ARID1B: variants seen among roughly 807,000 people sequenced by gnomAD.
ARID1B encodes AT-rich interaction domain 1B.
In ARID1B, 30 loss-of-function variants were observed where a neutral mutation model predicts 212.3. The observed-to-expected ratio is 0.14, with a 90% CI of 0.11 to 0.19. ARID1B has a LOEUF of 0.19. Ranked by LOEUF, ARID1B falls within the 10% of genes least tolerant of loss-of-function variation. The probability of loss-of-function intolerance (pLI) is 1.00; values close to 1 mark genes in which losing one functional copy is unlikely to be tolerated. For synonymous variants in ARID1B, 1,402 were observed against 1,301.7 expected (o/e 1.08, Z -1.66); for missense variants, 2,891 against 3,204.0 (o/e 0.90, Z 2.36).
At chr6:156,853,419 C>T (rs1257069552) in intron 2 of ARID1B, among the ~76,000 whole-genome samples, 2 of 152,092 alleles carry the variant, frequency 1.3e-5, no homozygotes, top group Non-Finnish European at 2.9e-5. Context: ...CAGTTTGAGG[C>T]CCAAGCTTCC....
intron 2 of ARID1B, among the ~76,000 whole-genome samples, chr6:156,893,051 T>TGTTTTTTTTTTTTTTTTTTTTTTTTTTTG (rs201418007): frequency 7.2e-6 from 1 of 138,396 alleles, no homozygotes; most frequent in Non-Finnish European, 1.5e-5. Flanking sequence ...CTTCCTTTTT[T>TGTTTTTTTTTTTTTTTTTTTTTTTTTTTG]TTTTTTTTTG....
intron 8 of ARID1B, among the ~76,000 whole-genome samples, chr6:157,160,459 A>G (rs960578958): frequency 6.6e-6 from 1 of 151,612 alleles, no homozygotes; most frequent in African/African-American, 2.4e-5. Context: ...ATATTGCTCA[A>G]CTCTCTCTTG....
At chr6:156,978,289 G>A (rs1368857589) in intron 4 of ARID1B, among the ~76,000 whole-genome samples, 4 of 152,192 alleles carry the variant, frequency 2.6e-5, no homozygotes, top group Non-Finnish European at 5.9e-5. Flanking sequence ...CAGTCAGAGG[G>A]TTCACCTGGT....
At chr6:156,824,484 G>A (rs1033751756) in intron 1 of ARID1B, among the ~76,000 whole-genome samples, 22 of 152,194 alleles carry the variant, frequency 1.4e-4, no homozygotes, top group Admixed American at 1.4e-3. Context: ...CATAAAATTG[G>A]CCAGGCGCAG....
intron 4 of ARID1B, among the ~76,000 whole-genome samples, chr6:156,994,862 C>T (rs1017112623): frequency 1.8e-4 from 27 of 152,232 alleles, no homozygotes; most frequent in Non-Finnish European, 3.2e-4. Context: ...ACCCTGAACA[C>T]GGTGTCACTA....
At chr6:157,196,389 C>A (rs2128358400) in intron 16 of ARID1B, 74 bp downstream of exon 16, 2 of 1,520,504 alleles carry the variant, frequency 1.3e-6, no homozygotes, top group Non-Finnish European at 1.8e-6. Flanking sequence ...ATTTCTGAGC[C>A]CTGGCAGCTG....
At chr6:156,880,073 G>C (rs1211884843) in intron 2 of ARID1B, among the ~76,000 whole-genome samples, 2 of 152,206 alleles carry the variant, frequency 1.3e-5, no homozygotes, top group African/African-American at 4.8e-5. Context: ...TTTGAGTTGT[G>C]AGGTGGAGGC....
intron 3 of ARID1B, among the ~76,000 whole-genome samples, chr6:156,925,919 C>G (rs1054357723): frequency 2.0e-5 from 3 of 152,198 alleles, no homozygotes; most frequent in South Asian, 2.1e-4. Context: ...ACATGTGATG[C>G]ACTCGTAGTC....
chr6:157,161,638 A>T (rs900168836), intron 8 of ARID1B, among the ~76,000 whole-genome samples: 1 of 152,120 alleles, frequency 6.6e-6, no homozygotes, highest in East Asian at 1.9e-4. Flanking sequence ...AACATTTTTT[A>T]TAGGGCATCC....
At chr6:157,170,528 G>A (rs1791646672) in intron 9 of ARID1B, among the ~76,000 whole-genome samples, 1 of 152,174 alleles carries the variant, frequency 6.6e-6, no homozygotes, top group African/African-American at 2.4e-5. Flanking sequence ...CTTGATAAAA[G>A]GGTTTTGATA....
chr6:156,807,195 G>A (rs1781231841), intron 1 of ARID1B, among the ~76,000 whole-genome samples: 1 of 147,332 alleles, frequency 6.8e-6, no homozygotes, highest in Non-Finnish European at 1.5e-5. Flanking sequence ...TTATTCTCTA[G>A]CATCTCAGCT....
chr6:156,798,556 G>T (rs897939900), intron 1 of ARID1B, among the ~76,000 whole-genome samples: 7 of 152,282 alleles, frequency 4.6e-5, no homozygotes, highest in African/African-American at 1.7e-4. Context: ...CTTGTTGAGG[G>T]TGGAGAATAT....
At position 157,206,835 on chromosome 6, in the gene ARID1B, C is replaced by A. The variant is rs376113162; in HGVS notation, c.6063C>A (p.Thr2021=). Reference sequence around the variant, plus strand: ...AAGACGCAAACCCTGGGCCCCAGACCGAAAGCAGTAAGTTTCCCTTTGGTA... The same window carrying A: ...AAGACGCAAACCCTGGGCCCCAGACAGAAAGCAGTAAGTTTCCCTTTGGTA... ...LPEDANPGPQ[T]ESSKFPFGIQ... is the part of the protein sequence containing the mutation. The change falls in exon 20 of 20, where the codon ACC becomes ACA. Residue 2021 remains threonine (T), a synonymous_variant. Transcript: ENST00000636930. The surrounding 1 kb of genome is among the most constrained non-coding windows in gnomAD (Gnocchi z 6.8). The A allele has an allele frequency of 9.9e-6, 16 of 1,614,074 alleles. No homozygotes were observed. The East Asian group carries it at 2.9e-4, about 29-fold the overall frequency.
intron 13 of ARID1B, chr6:157,185,680 G>T (rs1216369374): frequency 6.6e-6 from 1 of 152,148 alleles, no homozygotes; most frequent in Non-Finnish European, 1.5e-5. Flanking sequence ...TGTAATATGT[G>T]AAATGTTTAC....
chr6:157,010,875 G>GATTGTGATCACTAATAGAACTATC (rs1044701710), intron 4 of ARID1B, among the ~76,000 whole-genome samples: 5 of 152,108 alleles, frequency 3.3e-5, no homozygotes, highest in African/African-American at 1.2e-4. Flanking sequence ...GAAATCTATA[G>GATTGTGATCACTAATAGAACTATC]ATTGTGATCA....
intron 4 of ARID1B, among the ~76,000 whole-genome samples, chr6:157,047,514 C>T (rs552750464): frequency 1.2e-4 from 18 of 152,204 alleles, no homozygotes; most frequent in Non-Finnish European, 2.2e-4. Flanking sequence ...ACCAAGTCCA[C>T]TGTGCAGAAA....
chr6:156,871,506 G>A, intron 2 of ARID1B: 1 of 920,582 alleles, frequency 1.1e-6, no homozygotes, highest in Non-Finnish European at 1.7e-6. Flanking sequence ...TTCTTGGAGT[G>A]ATTAAGTTGC....
chr6:156,967,519 G>C (rs1020791422), intron 4 of ARID1B, among the ~76,000 whole-genome samples: 4 of 151,658 alleles, frequency 2.6e-5, no homozygotes, highest in Non-Finnish European at 4.4e-5. Context: ...AGTGAGAGAA[G>C]AGGAGGAGGG....
In ARID1B at chr6:157,198,796, A is replaced by G; in HGVS notation, c.4383-15A>G. 1 of 1,595,130 alleles carries G rather than the reference A, an allele frequency of 6.3e-7. No homozygotes were observed. Among genetic ancestry groups the G allele is most frequent in the Non-Finnish European group, 8.6e-7 (1 of 1,167,178 alleles). ...CTTTTTCTCAGTTAAGTTTTCTTTG[A>G]ATGCCTCATTCCAGGCATGAACCTT... On this transcript the variant is annotated splice_polypyrimidine_tract_variant and intron_variant, in intron 16 of 19. Coordinates refer to ENST00000636930, the MANE Select transcript of ARID1B (RefSeq NM_001374828.1).
Sources: gnomAD v4.1 joint callset for allele counts (sites outside exome capture counted in the v4.1 genomes callset) on GRCh38, gnomAD v4.1.1 for gene constraint, Gnocchi (gnomAD v3.1) non-coding constraint, MANE v1.5 for transcripts, NCBI Gene and HGNC (gene_info 2026-07-23, HGNC 2026-07-21) for gene names.